The following CPM variants were observed in gnomAD, a reference collection of about 807,000 sequenced individuals.
CPM encodes the protein renal carboxypeptidase.
CPM carries 35 observed loss-of-function variants against 46.4 expected under a neutral mutation model. That is an observed-to-expected ratio of 0.75 (90% CI 0.58 to 1.00). CPM has a LOEUF of 1.00. CPM is among the 50% of genes least tolerant of loss of function. The pLI is 0.00. For missense variants in CPM, 422 were observed against 530.4 expected (o/e 0.80, Z 2.01); for synonymous variants, 195 against 195.3 (o/e 1.00, Z 0.01).
chr12:68,962,634 AC>A, intron 1 of CPM, among the ~76,000 whole-genome samples: 1 of 152,342 alleles, frequency 6.6e-6, no homozygotes, highest in Admixed American at 6.5e-5. Context: ...CCCAAAGTTA[AC>A]CTGAAAAACA....
intron 1 of CPM, among the ~76,000 whole-genome samples, chr12:68,944,351 G>A (rs1465059506): frequency 6.6e-6 from 1 of 152,164 alleles, no homozygotes; most frequent in Non-Finnish European, 1.5e-5. Flanking sequence ...CCATTTTGAT[G>A]CCTATTACAG....
chr12:68,864,561 A>G (rs1476800197), intron 7 of CPM, among the ~76,000 whole-genome samples: 5 of 152,256 alleles, frequency 3.3e-5, no homozygotes, highest in Admixed American at 1.3e-4. Context: ...TTACATCAAC[A>G]TGATACTTCA....
At chr12:68,846,716 A>G (rs1592615119), downstream of CPM, 2 of 152,184 alleles carry the variant, frequency 1.3e-5, no homozygotes, top group East Asian at 3.8e-4. Flanking sequence ...ACACTATGAA[A>G]TGGGTGCTTG....
At chr12:68,911,355 A>C (rs1320008882) in intron 2 of CPM, among the ~76,000 whole-genome samples, 1 of 152,216 alleles carries the variant, frequency 6.6e-6, no homozygotes, top group Non-Finnish European at 1.5e-5. Flanking sequence ...AGGTCAGCCC[A>C]AACTGCAGCT....
intron 3 of CPM, among the ~76,000 whole-genome samples, chr12:68,874,852 T>C (rs984933820): frequency 1.3e-5 from 2 of 152,148 alleles, no homozygotes; most frequent in Admixed American, 6.6e-5. Flanking sequence ...TGACTCTAAA[T>C]GTGAATTTGT....
chr12:68,894,240 T>G (rs1353463696), intron 2 of CPM, among the ~76,000 whole-genome samples: 2 of 152,250 alleles, frequency 1.3e-5, no homozygotes, highest in African/African-American at 4.8e-5. Context: ...ACAAGGGCAC[T>G]GCCTGGTGTG....
At chr12:68,962,217 A>C (rs1171781033) in intron 1 of CPM, among the ~76,000 whole-genome samples, 1 of 147,184 alleles carries the variant, frequency 6.8e-6, no homozygotes, top group East Asian at 1.9e-4. Flanking sequence ...AAAAAAAAAA[A>C]ACCAAGTGTG....
intron 2 of CPM, among the ~76,000 whole-genome samples, chr12:68,930,991 T>C (rs1210860500): frequency 1.3e-5 from 2 of 152,204 alleles, no homozygotes; most frequent in Admixed American, 1.3e-4. Flanking sequence ...TTTAAATTGC[T>C]CTACTCTAGC....
intron 1 of CPM, among the ~76,000 whole-genome samples, chr12:68,945,626 T>C (rs1202546653): frequency 6.6e-6 from 1 of 152,176 alleles, no homozygotes; most frequent in African/African-American, 2.4e-5. Flanking sequence ...ACGTTAGTAT[T>C]CTTATCCACA....
chr12:68,929,236 C>T (rs1307240386), intron 2 of CPM, among the ~76,000 whole-genome samples: 1 of 152,128 alleles, frequency 6.6e-6, no homozygotes, highest in African/African-American at 2.4e-5. Flanking sequence ...TGAAAATGAG[C>T]TACCTAATGG....
chr12:68,847,661 G>C (rs1434719984), downstream of CPM: 3 of 151,606 alleles, frequency 2.0e-5, no homozygotes, highest in South Asian at 2.1e-4. Flanking sequence ...CACCGTGTTA[G>C]CCAAGATGGT....
chr12:68,933,096 G>C (rs1388127478), intron 1 of CPM, 46 bp downstream of exon 1: 3 of 382,914 alleles, frequency 7.8e-6, no homozygotes, highest in East Asian at 1.1e-4. Flanking sequence ...TCCGCCGTCC[G>C]GCAGCTGCCA....
At chr12:68,871,758 G>C (rs1438563391) in intron 4 of CPM, 26 bp downstream of exon 4, 6 of 1,613,336 alleles carry the variant, frequency 3.7e-6, no homozygotes, top group Non-Finnish European at 3.4e-6. Flanking sequence ...TTGTTTTCAA[G>C]TAAAGATAGA....
At chr12:68,894,656 G>A (rs1886794002) in intron 2 of CPM, among the ~76,000 whole-genome samples, 1 of 152,098 alleles carries the variant, frequency 6.6e-6, no homozygotes, top group Non-Finnish European at 1.5e-5. Context: ...TGACTCACCT[G>A]GGTTTTTCTC....
chr12:68,960,488 A>T (rs1889092503), intron 1 of CPM, among the ~76,000 whole-genome samples: 1 of 152,220 alleles, frequency 6.6e-6, no homozygotes, highest in Non-Finnish European at 1.5e-5. Flanking sequence ...CAGCAAAATC[A>T]GTATGACCAT....
intron 7 of CPM, among the ~76,000 whole-genome samples, chr12:68,864,817 A>AACATAGC (rs1885362449): frequency 2.6e-5 from 4 of 152,210 alleles, no homozygotes; most frequent in African/African-American, 9.6e-5. Flanking sequence ...TTTGGGACTC[A>AACATAGC]CCTGGACAAC....
At chr12:68,961,798 A>G (rs1211513030) in intron 1 of CPM, among the ~76,000 whole-genome samples, 1 of 151,756 alleles carries the variant, frequency 6.6e-6, no homozygotes, top group Non-Finnish European at 1.5e-5. Context: ...ACAACTGTGT[A>G]GGTTGAAAAG....
rs1337820752 is a variant in CPM, at chr12:68,871,983, C to G, written c.259-27G>C. The G allele has an allele frequency of 2.5e-6, 4 of 1,612,734 alleles. No homozygotes were observed. The African/African-American group carries it at 5.3e-5, about 22-fold the overall frequency. ...TATATGTGTTAAAGAGAAAAGAGGACATTATTAGGTCAGAGGCAATAAGGA... is the reference window on the plus strand; with the variant it reads ...TATATGTGTTAAAGAGAAAAGAGGAGATTATTAGGTCAGAGGCAATAAGGA... On this transcript the variant is annotated intron_variant, in intron 3 of 8. Coordinates refer to ENST00000551568, the MANE Select transcript of CPM (RefSeq NM_198320.5).
chr12:68,875,803 CAA>C (rs34998099), intron 3 of CPM, among the ~76,000 whole-genome samples: 10 of 110,240 alleles, frequency 9.1e-5, no homozygotes, highest in Non-Finnish European at 6.0e-5. Flanking sequence ...GACTCTGTCT[CAA>C]AAAAAAAAAA....
Sources: allele counts gnomAD v4.1 joint callset (sites outside exome capture counted in the v4.1 genomes callset), GRCh38; gene constraint gnomAD v4.1.1; transcripts MANE v1.5; gene names NCBI Gene and HGNC (gene_info 2026-07-23, HGNC 2026-07-21).